Variants in SNX24 observed in about 807,000 individuals in gnomAD.
SNX24 encodes sorting nexin-24.
A neutral mutation model predicts 28.7 loss-of-function variants in SNX24; 22 were observed. The ratio of observed to expected loss-of-function variants is 0.77; its 90% CI spans 0.55 to 1.10. The LOEUF is 1.10. Among genes scored for constraint, SNX24 ranks in the 50% least tolerant of loss-of-function variants. The pLI, the probability that SNX24 is intolerant of heterozygous loss-of-function variation, is 0.00. For missense variants in SNX24, 221 were observed against 201.1 expected (o/e 1.10, Z -0.60); for synonymous variants, 69 against 71.5 (o/e 0.96, Z 0.18).
chr5:122,895,628 G>T (rs1030342857), intron 1 of SNX24, among the ~76,000 whole-genome samples: 1 of 152,194 alleles, frequency 6.6e-6, no homozygotes, highest in Non-Finnish European at 1.5e-5. Context: ...GGACACGTCT[G>T]CAAAGTGTGT....
At chr5:123,026,269 G>A (rs143274405) in intron 5 of SNX24, among the ~76,000 whole-genome samples, 101 of 152,302 alleles carry the variant, frequency 6.6e-4, no homozygotes, top group African/African-American at 2.4e-3. Flanking sequence ...TCGCTCTGAA[G>A]TGAGAAGGAA....
At chr5:122,934,993 A>AG (rs1018893981) in intron 1 of SNX24, among the ~76,000 whole-genome samples, 3 of 151,938 alleles carry the variant, frequency 2.0e-5, no homozygotes, top group South Asian at 2.1e-4. Flanking sequence ...CTGGCCTTCA[A>AG]GGGGGGGCAC....
intron 1 of SNX24, among the ~76,000 whole-genome samples, chr5:122,929,931 C>A (rs1758876309): frequency 6.6e-6 from 1 of 151,658 alleles, no homozygotes; most frequent in Non-Finnish European, 1.5e-5. Context: ...ATATAATAAA[C>A]CATTTGTGCT....
chr5:122,854,946 C>T (rs1489875446), intron 1 of SNX24, among the ~76,000 whole-genome samples: 1 of 152,182 alleles, frequency 6.6e-6, no homozygotes, highest in East Asian at 1.9e-4. Context: ...TATTTTATTG[C>T]TAAAAACTCT....
chr5:123,001,354 T>G (rs1347277102), intron 4 of SNX24, 51 bp from the exon 5 acceptor site: 3 of 1,234,330 alleles, frequency 2.4e-6, no homozygotes, highest in African/African-American at 1.5e-5. Flanking sequence ...GCATAAACAT[T>G]GACTCAACAT....
chr5:122,911,429 C>A (rs576110079), intron 1 of SNX24, among the ~76,000 whole-genome samples: 2 of 152,198 alleles, frequency 1.3e-5, no homozygotes, highest in East Asian at 3.9e-4. Context: ...TGCCTGTTCA[C>A]TCTGATGGTA....
At chr5:122,912,729 T>G (rs1417218177) in intron 1 of SNX24, among the ~76,000 whole-genome samples, 2 of 150,892 alleles carry the variant, frequency 1.3e-5, no homozygotes, top group African/African-American at 2.4e-5. Flanking sequence ...GAGATAATCA[T>G]GTGGGTTTTT....
At chr5:122,935,604 A>C (rs1759147137) in intron 1 of SNX24, among the ~76,000 whole-genome samples, 1 of 152,246 alleles carries the variant, frequency 6.6e-6, no homozygotes. Context: ...AAGAAGCACA[A>C]AAATGCAAAC....
intron 3 of SNX24, among the ~76,000 whole-genome samples, chr5:122,994,710 C>G (rs1221510884): frequency 6.6e-6 from 1 of 152,096 alleles, no homozygotes; most frequent in Non-Finnish European, 1.5e-5. Context: ...CTGCCCCATG[C>G]AGGAAGTTTT....
chr5:122,924,002 G>A (rs1758562554), intron 1 of SNX24, among the ~76,000 whole-genome samples: 2 of 152,078 alleles, frequency 1.3e-5, no homozygotes, highest in Non-Finnish European at 2.9e-5. Flanking sequence ...AGTACTTCAT[G>A]GTGTGTTGAA....
rs145466931 is a variant in SNX24 at position 123,008,849 on chromosome 5, A to T, written c.*1100A>T. 1.0e-6 allele frequency: 1 copy of T among 980,208 alleles called. No homozygotes were observed. Among genetic ancestry groups the T allele is most frequent in the African/African-American group, 1.8e-5 (1 of 57,126 alleles). 60.7% of individuals were successfully genotyped at this position (980,208 alleles called of 1,614,324 possible). A position where few individuals can be genotyped will look rare whatever the true frequency, so the allele number is the denominator to read the frequency against. ...TACATCATCCTTTGAGTAGTAAAGG[A>T]TAAAAGCATATATACTACCTATATG... On this transcript the variant is annotated 3_prime_UTR_variant, in exon 7 of 7. Transcript: ENST00000261369.
chr5:122,946,186 A>T, intron 3 of SNX24, 27 bp downstream of exon 3: 1 of 1,299,578 alleles, frequency 7.7e-7, no homozygotes. Context: ...TCCTCATTTT[A>T]TATAACATAA....
At chr5:122,986,294 G>C (rs768659842) in intron 3 of SNX24, among the ~76,000 whole-genome samples, 1 of 152,212 alleles carries the variant, frequency 6.6e-6, no homozygotes, top group Non-Finnish European at 1.5e-5. Flanking sequence ...CAGACAAGAA[G>C]TCTAGCCTGG....
intron 1 of SNX24, among the ~76,000 whole-genome samples, chr5:122,872,139 T>C (rs1012587600): frequency 1.3e-5 from 2 of 149,788 alleles, no homozygotes; most frequent in Non-Finnish European, 3.0e-5. Context: ...TTTCTTTTTT[T>C]CTCACTTTTG....
chr5:122,890,759 C>T (rs536726494), intron 1 of SNX24, among the ~76,000 whole-genome samples: 1 of 152,298 alleles, frequency 6.6e-6, no homozygotes, highest in East Asian at 1.9e-4. Flanking sequence ...GTATGAGCCA[C>T]CGCACCCGGC....
chr5:122,847,502 CTT>C (rs1183386656), intron 1 of SNX24, among the ~76,000 whole-genome samples: 2 of 130,794 alleles, frequency 1.5e-5, no homozygotes, highest in Admixed American at 8.1e-5. Context: ...CTCTCTCTCT[CTT>C]TTTTTTTTTG....
In SNX24 at chr5:122,967,367, A is replaced by G. The variant is rs577551528; in HGVS notation, c.249+21208A>G. Among the ~76,000 whole-genome samples the G allele has an allele frequency of 2.0e-5, 3 of 152,296 alleles. No individual in the cohort carries two copies. The East Asian group carries it at 5.8e-4, about 29-fold the overall frequency. Reference sequence around the variant, plus strand: ...AGTTTTCCTCAGTAGACAACGTGGTAGCAACCACACTGAAATTGCCTTGAA... The same window carrying G: ...AGTTTTCCTCAGTAGACAACGTGGTGGCAACCACACTGAAATTGCCTTGAA... On this transcript the variant is annotated intron_variant, in intron 3 of 6. Transcript: ENST00000261369.
chr5:123,019,930 G>A (rs1323471802), intron 5 of SNX24, among the ~76,000 whole-genome samples: 1 of 152,250 alleles, frequency 6.6e-6, no homozygotes, highest in Non-Finnish European at 1.5e-5. Flanking sequence ...TTAGCAGGGG[G>A]ATGTCCTTAG....
chr5:123,020,646 C>T lies in SNX24; in HGVS notation n.384-8592C>T, dbSNP rs188169373. Among the ~76,000 whole-genome samples the T allele has an allele frequency of 7.2e-5, 11 of 152,262 alleles. No homozygotes were observed. In the East Asian group the frequency reaches 2.1e-3, roughly 29 times the overall value. ...ATATTTGGTGAAGACTTTTAGGTTGCAAGTCAAAGGAAATCAGTTTGCCTT... is the reference window on the plus strand; with the variant it reads ...ATATTTGGTGAAGACTTTTAGGTTGTAAGTCAAAGGAAATCAGTTTGCCTT... On this transcript the variant is annotated intron_variant and non_coding_transcript_variant, in intron 5 of 5. Transcript: ENST00000502387.
Sources: allele counts gnomAD v4.1 joint callset (sites outside exome capture counted in the v4.1 genomes callset), GRCh38; gene constraint gnomAD v4.1.1; transcripts MANE v1.5; gene names NCBI Gene and HGNC (gene_info 2026-07-23, HGNC 2026-07-21).